PIK3C2A: variants seen among roughly 807,000 people sequenced by gnomAD.
PIK3C2A encodes the protein phosphatidylinositol 4-phosphate 3-kinase C2 domain-containing subunit alpha.
A neutral mutation model predicts 204.5 loss-of-function variants in PIK3C2A; 97 were observed. The observed-to-expected ratio is 0.47, with a 90% CI of 0.40 to 0.56. The LOEUF (loss-of-function observed/expected upper bound fraction) is 0.56. PIK3C2A is among the 20% of genes least tolerant of loss of function. The pLI, the probability that PIK3C2A is intolerant of heterozygous loss-of-function variation, is 0.00. For missense variants in PIK3C2A, 1,735 were observed against 1,969.2 expected (o/e 0.88, Z 2.25); for synonymous variants, 653 against 664.4 (o/e 0.98, Z 0.26).
chr11:17,193,091 C>T (rs1851997205), intron 1 of PIK3C2A, among the ~76,000 whole-genome samples: 1 of 152,180 alleles, frequency 6.6e-6, no homozygotes, highest in Non-Finnish European at 1.5e-5. Context: ...TATGTGGTCG[C>T]CTGCACTCTG....
At position 17,119,792 on chromosome 11, in the gene PIK3C2A, T is replaced by C; in HGVS notation, c.2840A>G (p.Asp947Gly). 1.3e-6 allele frequency: 2 copies of C among 1,538,552 alleles called. No individual in the cohort carries two copies. Among genetic ancestry groups the C allele is most frequent in the Non-Finnish European group, 1.7e-6 (2 of 1,145,122 alleles). Residue 947 changes from aspartate (D) to glycine (G), a missense_variant, in exon 16 of 33, where the codon GAT becomes GGT. This residue lies in a region of PIK3C2A where 567 missense variants were observed against 576.0 expected (regional missense o/e 0.98). Transcript: ENST00000691414. The stretch of plus-strand genomic sequence containing the variant: ...ATAAATGTATTTGACTTACTTTGAA[T>C]CAAGAAGTTCCAATGCAATTAGTGG... ...LYPLIALELL[D>G]SKFADQEVRS...
chr11:17,095,339 G>T (rs1319872303), intron 27 of PIK3C2A, among the ~76,000 whole-genome samples: 1 of 151,498 alleles, frequency 6.6e-6, no homozygotes, highest in Admixed American at 6.6e-5. Context: ...ACTTTGGAAG[G>T]CTGAGGCAGG....
intron 1 of PIK3C2A, among the ~76,000 whole-genome samples, chr11:17,190,820 C>A (rs1243279507): frequency 6.6e-6 from 1 of 151,888 alleles, no homozygotes; most frequent in Non-Finnish European, 1.5e-5. Context: ...GAAGGGTATA[C>A]AACAGCATGT....
Position 17,136,637 on chromosome 11 carries a change from AAAAAT to A in PIK3C2A, c.1705-17_1705-13del. On this transcript the variant is annotated splice_polypyrimidine_tract_variant and intron_variant, in intron 8 of 32. Coordinates refer to ENST00000691414, the MANE Select transcript of PIK3C2A (RefSeq NM_002645.4). Reference sequence around the variant, plus strand: ...GCTCGGTGTTGGTTCTTTAAAAATAAAAAATAAAATAAAAATAGGTAGGTGAAATT... The same window carrying A: ...GCTCGGTGTTGGTTCTTTAAAAATAAAAAATAAAAATAGGTAGGTGAAATT... 6.7e-7 allele frequency: 1 copy of A among 1,493,016 alleles called. No homozygotes were observed. Among genetic ancestry groups the A allele is most frequent in the Non-Finnish European group, 9.1e-7 (1 of 1,103,346 alleles). 92.5% of individuals were successfully genotyped at this position (1,493,016 alleles called of 1,614,324 possible).
At chr11:17,195,806 A>G (rs892994174) in intron 1 of PIK3C2A, among the ~76,000 whole-genome samples, 3 of 151,624 alleles carry the variant, frequency 2.0e-5, no homozygotes, top group Non-Finnish European at 2.9e-5. Context: ...TTGGGAGGCC[A>G]AGGCAGGTGG....
In PIK3C2A at chr11:17,207,857, C is replaced by A. The variant is rs1242935199; in HGVS notation, c.-75G>T. On this transcript the variant is annotated 5_prime_UTR_variant, in exon 1 of 33. Transcript: ENST00000691414. ...ACCGACCGCTCCTCACCTCAAGCTG[C>A]CTGAGCCTCCGCCTCTACCACAACC... 6.5e-6 allele frequency: 1 copy of A among 153,046 alleles called. No individual in the cohort carries two copies. The highest frequency in any genetic ancestry group is 2.4e-5 in the African/African-American group (1 of 41,476). The allele number at this position is 153,046 out of a possible 1,614,324, so 9.5% of individuals were successfully genotyped here. A position where few individuals can be genotyped will look rare whatever the true frequency, so the allele number is the denominator to read the frequency against.
chr11:17,169,494 G>A lies in PIK3C2A; in HGVS notation c.248C>T (p.Ser83Phe). ...ATCAATATCTAATGCTCTTTTTTGG[G>A]AATCTGATTCAGGAAACACCATGAG... ...YDLMVFPESD[S>F]QKRALDIDVE... is the part of the protein sequence containing the mutation. The change falls in exon 2 of 33, where the codon TCC becomes TTC. Residue 83 changes from serine to phenylalanine, a missense_variant. Physicochemically the swap from Ser to Phe is radical, Grantham distance 155. Transcript: ENST00000691414. The A allele has an allele frequency of 1.9e-6, 3 of 1,613,532 alleles. No homozygotes were observed. Among genetic ancestry groups the A allele is most frequent in the Non-Finnish European group, 2.5e-6 (3 of 1,179,800 alleles).
intron 24 of PIK3C2A, among the ~76,000 whole-genome samples, chr11:17,102,059 T>C (rs151097762): frequency 8.5e-5 from 13 of 152,328 alleles, no homozygotes; most frequent in African/African-American, 2.9e-4. Flanking sequence ...AGAAAACTAC[T>C]TACTGCCGTT....
At chr11:17,193,140 G>A (rs972523468) in intron 1 of PIK3C2A, among the ~76,000 whole-genome samples, 5 of 152,184 alleles carry the variant, frequency 3.3e-5, no homozygotes, top group Non-Finnish European at 5.9e-5. Flanking sequence ...GATGCCAAGC[G>A]GATGTTAGTA....
chr11:17,129,230 T>C (rs1258224983), intron 13 of PIK3C2A, 70 bp downstream of exon 13: 1 of 1,261,440 alleles, frequency 7.9e-7, no homozygotes, highest in East Asian at 2.3e-5. Context: ...CTCACCTCCT[T>C]GTCATCTAGC....
intron 1 of PIK3C2A, among the ~76,000 whole-genome samples, chr11:17,183,765 T>C (rs1851649182): frequency 6.6e-6 from 1 of 151,892 alleles, no homozygotes; most frequent in African/African-American, 2.4e-5. Context: ...CACATGACAC[T>C]CCAGCCAACA....
At chr11:17,176,907 G>A (rs1239324613) in intron 1 of PIK3C2A, among the ~76,000 whole-genome samples, 1 of 152,148 alleles carries the variant, frequency 6.6e-6, no homozygotes, top group Admixed American at 6.5e-5. Flanking sequence ...GAGATATATA[G>A]ATACTATATG....
intron 15 of PIK3C2A, among the ~76,000 whole-genome samples, chr11:17,121,247 C>T (rs118084351): frequency 0.011 from 1,650 of 151,536 alleles, 17 homozygotes; most frequent in Middle Eastern, 0.024. Flanking sequence ...CCTCCTGAGT[C>T]GCTAGGACTA....
chr11:17,146,045 G>A, intron 6 of PIK3C2A, 103 bp from the exon 7 acceptor site: 1 of 717,606 alleles, frequency 1.4e-6, no homozygotes, highest in Non-Finnish European at 2.3e-6. Flanking sequence ...CAACTAAAGT[G>A]TTTTTCTGAG....
intron 1 of PIK3C2A, among the ~76,000 whole-genome samples, chr11:17,181,767 T>A (rs1267312820): frequency 4.0e-5 from 6 of 151,288 alleles, no homozygotes; most frequent in Non-Finnish European, 7.4e-5. Context: ...AATGCTTACA[T>A]TATGGCAAAA....
chr11:17,098,107 A>G (rs1848506250), intron 26 of PIK3C2A, among the ~76,000 whole-genome samples: 1 of 152,194 alleles, frequency 6.6e-6, no homozygotes, highest in African/African-American at 2.4e-5. Flanking sequence ...CAAAGGAAAT[A>G]AGTCTCAGAA....
rs1311362663 is a variant in PIK3C2A, at chr11:17,086,760, C to CA, written c.*2977dup. On this transcript the variant is annotated 3_prime_UTR_variant, in exon 33 of 33. Transcript: ENST00000691414. Reference sequence around the variant, plus strand: ...ATTCATTCATATATGCACTGCTAGTCAAACAACATGGAAATGAATGTATGG... The same window carrying CA: ...ATTCATTCATATATGCACTGCTAGTCAAAACAACATGGAAATGAATGTATGG... The CA allele has an allele frequency of 6.6e-6, 1 of 152,134 alleles. No homozygotes were observed. Among genetic ancestry groups the CA allele is most frequent in the African/African-American group, 2.4e-5 (1 of 41,436 alleles). The allele number at this position is 152,134 out of a possible 1,614,324, so 9.4% of individuals were successfully genotyped here. A position where few individuals can be genotyped will look rare whatever the true frequency, so the allele number is the denominator to read the frequency against.
rs1054574143 is a variant in PIK3C2A at position 17,091,426 on chromosome 11, C to G, written c.4786G>C (p.Val1596Leu). The G allele has an allele frequency of 3.7e-6, 6 of 1,613,754 alleles. No homozygotes were observed. The highest frequency in any genetic ancestry group is 5.1e-6 in the Non-Finnish European group (6 of 1,179,816). The change falls in exon 32 of 33, where the codon GTC becomes CTC. Residue 1596 changes from valine (V) to leucine (L), a missense_variant. This residue lies in a region of PIK3C2A where 503 missense variants were observed against 669.0 expected (regional missense o/e 0.75). Transcript: ENST00000691414. ...TTATCTGGAAGTAGGTATGTTTTGA[C>G]ATATGGATTTGGGTCAGCTCCATCT... is the stretch of plus-strand genomic sequence containing the variant. Reference protein sequence around the residue: ...TEDGADPNPYVKTYLLPDNHK... With the variant: ...TEDGADPNPYLKTYLLPDNHK...
At chr11:17,095,566 G>A (rs571113150) in intron 27 of PIK3C2A, among the ~76,000 whole-genome samples, 8 of 151,550 alleles carry the variant, frequency 5.3e-5, no homozygotes, top group African/African-American at 1.9e-4. Context: ...ACTCCAGCCT[G>A]GGCAACAGAG....
Sources: allele counts gnomAD v4.1 joint callset (sites outside exome capture counted in the v4.1 genomes callset), GRCh38; gene constraint gnomAD v4.1.1; regional missense constraint gnomAD v4.1.1; transcripts MANE v1.5; gene names NCBI Gene and HGNC (gene_info 2026-07-23, HGNC 2026-07-21).